The following THOC1 variants were observed in gnomAD, a reference collection of about 807,000 sequenced individuals.
The protein encoded by THOC1 is THO complex subunit 1, also known as THO complex 1.
THOC1 carries 29 observed loss-of-function variants against 97.3 expected under a neutral mutation model. The observed-to-expected ratio is 0.30, with a 90% CI of 0.22 to 0.41. THOC1 has a LOEUF of 0.41. Ranked by LOEUF, THOC1 falls within the 10% of genes least tolerant of loss-of-function variation. The probability of loss-of-function intolerance (pLI) is 1.00; values close to 1 mark genes in which losing one functional copy is unlikely to be tolerated. For missense variants in THOC1, 529 were observed against 761.9 expected (o/e 0.69, Z 3.60); for synonymous variants, 255 against 257.0 (o/e 0.99, Z 0.07).
intron 18 of THOC1, among the ~76,000 whole-genome samples, chr18:218,267 T>C (rs560679376): frequency 1.3e-5 from 2 of 151,870 alleles, no homozygotes; most frequent in African/African-American, 4.8e-5. Context: ...AGTTGCCTAG[T>C]AAGTAAGTGG....
At chr18:216,703 C>A in intron 18 of THOC1, 70 bp from the exon 19 acceptor site, 1 of 1,508,244 alleles carries the variant, frequency 6.6e-7, no homozygotes, top group Non-Finnish European at 8.9e-7. Flanking sequence ...CTCAGTTCTG[C>A]CATGTGTAAT....
Position 225,091 on chromosome 18 carries a change from CT to C in THOC1, c.1134del (p.Glu379SerfsTer4). 6.3e-7 allele frequency: 1 copy of C among 1,574,894 alleles called. No individual in the cohort carries two copies. Among genetic ancestry groups the C allele is most frequent in the East Asian group, 2.3e-5 (1 of 43,716 alleles). On this transcript the variant is annotated frameshift_variant, in exon 14 of 21. Transcript: ENST00000261600. LOFTEE classifies it high-confidence loss of function. Reference sequence around the variant, plus strand: ...ATGTAAGCATAAAAAACACATACCTCTACCATCTTTGAAAATCTTTCTCCAT... The same window carrying C: ...ATGTAAGCATAAAAAACACATACCTCACCATCTTTGAAAATCTTTCTCCAT... ...PPDGERFSKMVEHILNTEENW... is the reference protein window; with the variant it reads ...PPDGERFSKMXEHILNTEENW...
At chr18:255,492 T>C (rs1240766617) in intron 7 of THOC1, among the ~76,000 whole-genome samples, 4 of 152,198 alleles carry the variant, frequency 2.6e-5, no homozygotes, top group Non-Finnish European at 4.4e-5. Context: ...TTATTAATTC[T>C]GTGAAGGCTG....
At chr18:238,256 G>T (rs1226284744) in intron 11 of THOC1, among the ~76,000 whole-genome samples, 1 of 152,190 alleles carries the variant, frequency 6.6e-6, no homozygotes, top group African/African-American at 2.4e-5. Context: ...GTCTCTCAGT[G>T]TCCCTGCTGA....
At position 224,190 on chromosome 18, in the gene THOC1, CA is replaced by C; in HGVS notation, c.1209-12del. 1 of 1,546,060 alleles carries C rather than the reference CA, an allele frequency of 6.5e-7. No individual in the cohort carries two copies. The highest frequency in any genetic ancestry group is 8.9e-7 in the Non-Finnish European group (1 of 1,126,126). On this transcript the variant is annotated splice_polypyrimidine_tract_variant and intron_variant, in intron 15 of 20. Coordinates refer to ENST00000261600, the MANE Select transcript of THOC1 (RefSeq NM_005131.3). ...TTGGTATCTGATGTTCTGTCGTGAA[CA>C]AAACATACACTATTTTTTGAATTAC...
At chr18:220,703 T>G (rs1394911387) in intron 17 of THOC1, among the ~76,000 whole-genome samples, 1 of 152,242 alleles carries the variant, frequency 6.6e-6, no homozygotes, top group Non-Finnish European at 1.5e-5. Flanking sequence ...AATCTGACTA[T>G]TCATTTGTAC....
chr18:253,902 AT>A (rs35294329), intron 8 of THOC1, among the ~76,000 whole-genome samples: 22,923 of 133,912 alleles, frequency 0.17, 2,358 homozygotes, highest in East Asian at 0.31. Flanking sequence ...TTTACATGAA[AT>A]TTTTTTTTTT....
intron 9 of THOC1, among the ~76,000 whole-genome samples, chr18:249,118 C>T (rs1912192649): frequency 6.6e-6 from 1 of 152,150 alleles, no homozygotes. Context: ...TGAAAATCAA[C>T]AGTGAAGAAT....
At chr18:256,203 T>C (rs1051699699) in intron 7 of THOC1, among the ~76,000 whole-genome samples, 22 of 150,422 alleles carry the variant, frequency 1.5e-4, no homozygotes, top group Admixed American at 2.7e-4. Flanking sequence ...TATAGCTACA[T>C]AGTGATTTTT....
chr18:265,152 A>G, intron 3 of THOC1, 151 bp downstream of exon 3: 1 of 639,568 alleles, frequency 1.6e-6, no homozygotes, highest in East Asian at 2.8e-5. Context: ...CCTTAGAGAA[A>G]TCGTATAGTC....
intron 11 of THOC1, among the ~76,000 whole-genome samples, chr18:237,449 A>G (rs1911746879): frequency 6.6e-6 from 1 of 152,084 alleles, no homozygotes; most frequent in Non-Finnish European, 1.5e-5. Flanking sequence ...GAGCCACCAC[A>G]CTGGGCTTCA....
chr18:237,042 AAAGTATT>A (rs1567848807), intron 11 of THOC1, among the ~76,000 whole-genome samples: 1 of 152,156 alleles, frequency 6.6e-6, no homozygotes, highest in Non-Finnish European at 1.5e-5. Flanking sequence ...ATTTCTCAAA[AAAGTATT>A]AAGTCTCTGA....
At chr18:259,065 A>G (rs1912523125) in intron 7 of THOC1, 115 bp downstream of exon 7, 4 of 723,196 alleles carry the variant, frequency 5.5e-6, no homozygotes, top group Non-Finnish European at 9.1e-6. Context: ...GACAATTTCT[A>G]TGATGTCTTT....
At chr18:237,177 T>TG (rs1567848871) in intron 11 of THOC1, among the ~76,000 whole-genome samples, 3 of 128,254 alleles carry the variant, frequency 2.3e-5, no homozygotes, top group Non-Finnish European at 1.7e-5. Flanking sequence ...TTTTTTTTTT[T>TG]GAGACAGAGT....
chr18:266,091 C>CGGG (rs1912758281), intron 1 of THOC1, among the ~76,000 whole-genome samples: 1 of 152,214 alleles, frequency 6.6e-6, no homozygotes, highest in Non-Finnish European at 1.5e-5. Context: ...GTATCTTGTT[C>CGGG]AGTCCCTGAC....
In THOC1 at chr18:228,602, C is replaced by T. The variant is rs539353864; in HGVS notation, c.919-1701G>A. Among the ~76,000 whole-genome samples, 4 of 152,238 alleles carry T rather than the reference C, an allele frequency of 2.6e-5. No individual in the cohort carries two copies. In the East Asian group the frequency reaches 7.7e-4, roughly 29 times the overall value. The stretch of plus-strand genomic sequence containing the variant: ...ATTTGGCCTATAGGCTATAGTCTGC[C>T]AACTCCTGGTCTAGACTTCATGGTT... On this transcript the variant is annotated intron_variant, in intron 11 of 20. Transcript: ENST00000261600.
chr18:218,643 CAG>C (rs748919976), intron 18 of THOC1, among the ~76,000 whole-genome samples: 9 of 151,688 alleles, frequency 5.9e-5, no homozygotes, highest in East Asian at 1.9e-4. Flanking sequence ...AAATGGGGAT[CAG>C]GGGGAGTTTT....
intron 10 of THOC1, among the ~76,000 whole-genome samples, chr18:247,297 G>C (rs1912126972): frequency 6.6e-6 from 1 of 152,162 alleles, no homozygotes; most frequent in African/African-American, 2.4e-5. Context: ...AAGTAGCCAA[G>C]AAAAATATAA....
intron 6 of THOC1, 102 bp downstream of exon 6, chr18:259,579 TA>T: frequency 1.1e-6 from 1 of 883,696 alleles, no homozygotes; most frequent in Non-Finnish European, 1.8e-6. Context: ...TGCAGATACC[TA>T]ATCTATCTTT....
Sources: gnomAD v4.1 joint callset for allele counts (sites outside exome capture counted in the v4.1 genomes callset) on GRCh38, gnomAD v4.1.1 for gene constraint, MANE v1.5 for transcripts, NCBI Gene and HGNC (gene_info 2026-07-23, HGNC 2026-07-21) for gene names.